The following GP2 variants were observed in gnomAD, a reference collection of about 807,000 sequenced individuals.
The protein encoded by GP2 is pancreatic secretory granule membrane major glycoprotein GP2.
GP2 carries 58 observed loss-of-function variants against 60.8 expected under a neutral mutation model. The observed-to-expected ratio is 0.95, with a 90% CI of 0.77 to 1.19. GP2 has a LOEUF of 1.19. Ranked by LOEUF, GP2 falls within the 50% of genes most tolerant of loss-of-function variation. The pLI is 0.00. For synonymous variants in GP2, 280 were observed against 253.4 expected (o/e 1.10, Z -1.00); for missense variants, 647 against 667.4 (o/e 0.97, Z 0.34).
chr16:20,326,715 C>T (rs1489623137), intron 1 of GP2: 2 of 352,606 alleles, frequency 5.7e-6, no homozygotes, highest in Non-Finnish European at 1.0e-5. Flanking sequence ...AGTAGAGGCT[C>T]TTTGGAGATT....
In GP2 at chr16:20,320,415, C is replaced by A. The variant is rs73541251; in HGVS notation, c.705G>T (p.Val235=). 6.2e-6 allele frequency: 10 copies of A among 1,613,926 alleles called. No individual in the cohort carries two copies. The highest frequency in any genetic ancestry group is 1.1e-5 in the South Asian group (1 of 91,072). ...CCAGGCCTCCCAGCAAACATTTGTC[C>A]ACCTTCACCTTGATCTCCCTGGGCC... ...DCGPREIKVK[V]DKCLLGGLGL... Residue 235 remains valine, a synonymous_variant, in exon 5 of 11, where the codon GTG becomes GTT. Coordinates refer to ENST00000302555, the MANE Select transcript of GP2 (RefSeq NM_001502.4).
At chr16:20,320,531 C>T (rs761835490) in intron 4 of GP2, 58 bp from the exon 5 acceptor site, 23 of 1,147,262 alleles carry the variant, frequency 2.0e-5, no homozygotes, top group Non-Finnish European at 2.9e-5. Flanking sequence ...CCCACTTTCC[C>T]TACTCTTTGG....
intron 2 of GP2, 37 bp downstream of exon 2, chr16:20,326,301 C>T (rs1290061977): frequency 1.9e-6 from 3 of 1,604,680 alleles, no homozygotes; most frequent in Non-Finnish European, 2.6e-6. Context: ...CTAGGTCTTC[C>T]TTGACATCTG....
chr16:20,321,052 T>TC (rs67659946), intron 4 of GP2, among the ~76,000 whole-genome samples: 93 of 46,034 alleles, frequency 2.0e-3, no homozygotes, highest in African/African-American at 5.7e-3. Context: ...TCTGTCTCTC[T>TC]TTTTTTTTTT....
chr16:20,323,307 C>T lies in GP2; in HGVS notation c.536-328G>A, dbSNP rs1964423368. 1.5e-5 allele frequency: 11 copies of T among 712,610 alleles called. No individual in the cohort carries two copies. In the East Asian group the frequency reaches 2.4e-4, roughly 16 times the overall value. The allele number at this position is 712,610 out of a possible 1,614,324, so 44.1% of individuals were successfully genotyped here. On this transcript the variant is annotated intron_variant, in intron 3 of 10. Transcript: ENST00000302555. Reference sequence around the variant, plus strand: ...AAGTTCAAATCCCAGCTGTACCATGCTCCAGCTCTGTGATACTAGGAGAGC... The same window carrying T: ...AAGTTCAAATCCCAGCTGTACCATGTTCCAGCTCTGTGATACTAGGAGAGC...
intron 2 of GP2, among the ~76,000 whole-genome samples, chr16:20,325,712 A>G (rs1381550019): frequency 6.6e-6 from 1 of 152,258 alleles, no homozygotes; most frequent in Non-Finnish European, 1.5e-5. Flanking sequence ...TTTCTAAAAA[A>G]AAGAGATTTT....
chr16:20,321,840 T>C (rs1964367659), intron 4 of GP2, among the ~76,000 whole-genome samples: 1 of 152,182 alleles, frequency 6.6e-6, no homozygotes, highest in Admixed American at 6.5e-5. Context: ...TGGCCACTGA[T>C]GAAGACTTGA....
intron 10 of GP2, 134 bp from the exon 11 acceptor site, chr16:20,311,415 C>G (rs1399265038): frequency 1.3e-5 from 8 of 638,828 alleles, no homozygotes; most frequent in Non-Finnish European, 2.0e-5. Flanking sequence ...TAGTTATAGT[C>G]TCTGGGACTC....
Position 20,319,676 on chromosome 16 carries a change from A to G in GP2, c.951T>C (p.Cys317=). 1 of 1,607,674 alleles carries G rather than the reference A, an allele frequency of 6.2e-7. No individual in the cohort carries two copies. Among genetic ancestry groups the G allele is most frequent in the South Asian group, 1.1e-5 (1 of 90,974 alleles). Reference sequence around the variant, plus strand: ...TGACTTTCATGTCCAGTGGGTAGGCACATTGGAAGTTGATGTTGAGGATGG... The same window carrying G: ...TGACTTTCATGTCCAGTGGGTAGGCGCATTGGAAGTTGATGTTGAGGATGG... ...RDTILNINFQ[C]AYPLDMKVSL... Residue 317 remains cysteine (C), a synonymous_variant, in exon 6 of 11, where the codon TGT becomes TGC. Transcript: ENST00000302555.
At chr16:20,323,485 A>ACC (rs10555368) in intron 3 of GP2, 385 of 570,566 alleles carry the variant, frequency 6.7e-4, no homozygotes, top group Middle Eastern at 1.1e-3. Context: ...TTTTTGCTGT[A>ACC]CCCCCCCCCC....
chr16:20,323,641 G>C (rs1964441783), intron 3 of GP2, 175 bp downstream of exon 3: 1 of 607,614 alleles, frequency 1.6e-6, no homozygotes, highest in African/African-American at 1.9e-5. Context: ...GGAATTTCTG[G>C]CTTGAAATGT....
intron 10 of GP2, among the ~76,000 whole-genome samples, chr16:20,314,444 C>T (rs1424603931): frequency 1.3e-5 from 2 of 151,996 alleles, no homozygotes; most frequent in Admixed American, 6.6e-5. Context: ...TCTTCAGTGC[C>T]TAGAAGAAGG....
chr16:20,318,779 C>G (rs1343880460), intron 6 of GP2, among the ~76,000 whole-genome samples: 1 of 152,186 alleles, frequency 6.6e-6, no homozygotes, highest in Non-Finnish European at 1.5e-5. Context: ...CTGCATTCCA[C>G]AGTCTTCAGT....
At position 20,323,796 on chromosome 16, in the gene GP2, T is replaced by A. The variant is rs1385715380; in HGVS notation, c.535+20A>T. 6.4e-7 allele frequency: 1 copy of A among 1,554,354 alleles called. No homozygotes were observed. The highest frequency in any genetic ancestry group is 8.8e-7 in the Non-Finnish European group (1 of 1,138,920). ...TCTCATTGGCTGTGTAGCTGCCTCC[T>A]CCAGGGCTCTGCTGCTCACCTGTGC... On this transcript the variant is annotated intron_variant, in intron 3 of 10. Coordinates refer to ENST00000302555, the MANE Select transcript of GP2 (RefSeq NM_001502.4).
chr16:20,313,468 T>A (rs1964059425), intron 10 of GP2, among the ~76,000 whole-genome samples: 1 of 152,238 alleles, frequency 6.6e-6, no homozygotes, highest in African/African-American at 2.4e-5. Context: ...TGCTCAAGTG[T>A]CTGTCTCACT....
chr16:20,322,727 A>G (rs1964402978), intron 4 of GP2, 142 bp downstream of exon 4: 8 of 566,332 alleles, frequency 1.4e-5, no homozygotes, highest in Non-Finnish European at 6.3e-6. Context: ...CTTTACAGCA[A>G]ATGGATTGGA....
intron 8 of GP2, 106 bp from the exon 9 acceptor site, chr16:20,316,146 G>C: frequency 1.4e-6 from 1 of 697,524 alleles, no homozygotes; most frequent in Admixed American, 2.2e-5. Flanking sequence ...GTCCAGAACT[G>C]GTTCACGCTA....
Position 20,311,151 on chromosome 16 carries a change from G to T in GP2, c.*72C>A. 1.1e-6 allele frequency: 1 copy of T among 906,240 alleles called. No individual in the cohort carries two copies. The highest frequency in any genetic ancestry group is 1.9e-6 in the Non-Finnish European group (1 of 535,314). 56.1% of individuals were successfully genotyped at this position (906,240 alleles called of 1,614,324 possible). On this transcript the variant is annotated 3_prime_UTR_variant, in exon 11 of 11. Coordinates refer to ENST00000302555, the MANE Select transcript of GP2 (RefSeq NM_001502.4). ...AAGCCTGTGTGAATTGGAGTGGAAA[G>T]CAGAAGTGCTGAAGGGAGCCATTGC...
At chr16:20,324,474 C>G (rs982651859) in intron 2 of GP2, among the ~76,000 whole-genome samples, 2 of 152,318 alleles carry the variant, frequency 1.3e-5, no homozygotes, top group East Asian at 1.9e-4. Context: ...TCAGGGCTAC[C>G]GTCCTGCACA....
Sources: allele counts gnomAD v4.1 joint callset (sites outside exome capture counted in the v4.1 genomes callset), GRCh38; gene constraint gnomAD v4.1.1; transcripts MANE v1.5; gene names NCBI Gene and HGNC (gene_info 2026-07-23, HGNC 2026-07-21).